Variants in PSME4 observed in about 807,000 individuals in gnomAD.
The protein encoded by PSME4 is proteasome activator complex subunit 4.
Under a neutral mutation model 253.9 loss-of-function variants are expected in PSME4, and 89 were observed. The ratio of observed to expected loss-of-function variants is 0.35; its 90% CI spans 0.30 to 0.42. The LOEUF (loss-of-function observed/expected upper bound fraction) is 0.42, where lower values mean the gene tolerates loss of function less well. Ranked by LOEUF, PSME4 falls within the 10% of genes least tolerant of loss-of-function variation. PSME4 has a pLI of 1.00. For synonymous variants in PSME4, 851 were observed against 759.2 expected, an observed-to-expected ratio of 1.12 and a Z score of -1.99; for missense variants, 2,014 against 2,195.2, an observed-to-expected ratio of 0.92 and a Z score of 1.65.
intron 3 of PSME4, among the ~76,000 whole-genome samples, chr2:53,944,050 CTAAG>C (rs1365521845): frequency 1.3e-5 from 2 of 152,194 alleles, no homozygotes; most frequent in African/African-American, 2.4e-5. Context: ...TCAACTTGAA[CTAAG>C]TATTTTTTAA....
intron 29 of PSME4, 134 bp downstream of exon 29, chr2:53,899,747 G>C: frequency 1.9e-6 from 2 of 1,063,820 alleles, no homozygotes; most frequent in Non-Finnish European, 2.7e-6. Flanking sequence ...AAACCCAGGA[G>C]GTGAAGGTTG....
chr2:53,947,767 G>A (rs1669792462), intron 3 of PSME4, among the ~76,000 whole-genome samples: 1 of 151,606 alleles, frequency 6.6e-6, no homozygotes, highest in Non-Finnish European at 1.5e-5. Context: ...TATAATCCCA[G>A]GACTTTGGGA....
At chr2:53,875,594 A>T in intron 42 of PSME4, 33 bp downstream of exon 42, 1 of 1,577,944 alleles carries the variant, frequency 6.3e-7, no homozygotes, top group Non-Finnish European at 8.6e-7. Flanking sequence ...CAAAATCCTA[A>T]TCAAAAGACA....
chr2:53,879,187 A>G (rs188904122), intron 41 of PSME4, among the ~76,000 whole-genome samples: 65 of 150,892 alleles, frequency 4.3e-4, no homozygotes, highest in Middle Eastern at 3.4e-3. Context: ...CCTACCTCAA[A>G]GATATACTGG....
intron 41 of PSME4, among the ~76,000 whole-genome samples, chr2:53,880,442 C>T (rs1679330530): frequency 6.6e-6 from 1 of 152,050 alleles, no homozygotes; most frequent in Non-Finnish European, 1.5e-5. Context: ...AAAAAAAATG[C>T]AGATACATCT....
intron 37 of PSME4, among the ~76,000 whole-genome samples, 186 bp from the exon 38 acceptor site, chr2:53,888,998 T>C (rs1424638502): frequency 6.6e-6 from 1 of 152,196 alleles, no homozygotes; most frequent in Non-Finnish European, 1.5e-5. Flanking sequence ...CTCAAGTAGC[T>C]GGGACCACAG....
At chr2:53,949,892 G>A (rs1669896425) in intron 1 of PSME4, among the ~76,000 whole-genome samples, 1 of 152,172 alleles carries the variant, frequency 6.6e-6, no homozygotes, top group South Asian at 2.1e-4. Context: ...AAAAATAGGT[G>A]TGGTAACAAT....
chr2:53,962,284 G>A (rs1670527640), intron 1 of PSME4, among the ~76,000 whole-genome samples: 1 of 151,706 alleles, frequency 6.6e-6, no homozygotes, highest in Non-Finnish European at 1.5e-5. Context: ...TTTTACAGGG[G>A]CGAAAGGGAT....
chr2:53,894,138 C>T (rs890074402), intron 34 of PSME4, among the ~76,000 whole-genome samples: 1 of 152,150 alleles, frequency 6.6e-6, no homozygotes, highest in Non-Finnish European at 1.5e-5. Flanking sequence ...ATAAGTCAAG[C>T]CCCAACAAAT....
intron 36 of PSME4, among the ~76,000 whole-genome samples, chr2:53,891,129 GT>G (rs1200477116): frequency 6.6e-6 from 1 of 152,186 alleles, no homozygotes; most frequent in African/African-American, 2.4e-5. Flanking sequence ...AGTTTTCCAT[GT>G]TTATCAAGAT....
At chr2:53,952,347 C>T (rs949397236) in intron 1 of PSME4, among the ~76,000 whole-genome samples, 6 of 152,094 alleles carry the variant, frequency 3.9e-5, no homozygotes, top group Non-Finnish European at 7.4e-5. Context: ...TGGAGACCAT[C>T]CTGGCCAACA....
At chr2:53,936,458 C>G (rs925789524) in intron 6 of PSME4, among the ~76,000 whole-genome samples, 1 of 152,064 alleles carries the variant, frequency 6.6e-6, no homozygotes, top group Non-Finnish European at 1.5e-5. Context: ...CACTATATGT[C>G]CAGCAGCATG....
intron 10 of PSME4, among the ~76,000 whole-genome samples, chr2:53,928,883 G>A (rs145117936): frequency 1.3e-5 from 2 of 152,266 alleles, no homozygotes; most frequent in African/African-American, 4.8e-5. Context: ...AACTGGTAGA[G>A]GCCAGGGTGT....
At chr2:53,888,192 C>A in intron 38 of PSME4, 1 of 420,670 alleles carries the variant, frequency 2.4e-6, no homozygotes, top group Non-Finnish European at 4.0e-6. Context: ...GCATTTCATC[C>A]ACACTACTAG....
chr2:53,899,948 A>G lies in PSME4; in HGVS notation c.3355T>C (p.Leu1119=), dbSNP rs1048829647. 6.2e-7 allele frequency: 1 copy of G among 1,613,452 alleles called. No individual in the cohort carries two copies. ...QSKNPSINQI[L]LSPEKIKEGI... The stretch of plus-strand genomic sequence containing the variant: ...TCCTTAATTTTTTCTGGGCTAAGCA[A>G]TATCTGGTTGATAGAGGGGTTTTTT... The change falls in exon 29 of 47, where the codon TTG becomes CTG. Residue 1119 remains leucine (L), a synonymous_variant. Transcript: ENST00000404125.
intron 20 of PSME4, among the ~76,000 whole-genome samples, chr2:53,911,871 A>G (rs1343123621): frequency 6.6e-6 from 1 of 152,168 alleles, no homozygotes; most frequent in Non-Finnish European, 1.5e-5. Flanking sequence ...GTCATTTGGG[A>G]ATTTAAAGTT....
intron 41 of PSME4, among the ~76,000 whole-genome samples, chr2:53,880,833 T>C (rs1258867631): frequency 1.3e-5 from 2 of 152,182 alleles, no homozygotes; most frequent in Non-Finnish European, 2.9e-5. Flanking sequence ...GTTGTTTTCC[T>C]GGTCATTTTA....
At chr2:53,961,620 G>C (rs1670499208) in intron 1 of PSME4, among the ~76,000 whole-genome samples, 2 of 152,146 alleles carry the variant, frequency 1.3e-5, no homozygotes, top group African/African-American at 4.8e-5. Flanking sequence ...TGAGTTTGCA[G>C]TGAGCTGTGA....
At chr2:53,907,188 CCTA>C (rs570480308) in intron 24 of PSME4, among the ~76,000 whole-genome samples, 95 of 152,204 alleles carry the variant, frequency 6.2e-4, no homozygotes, top group Middle Eastern at 3.4e-3. Context: ...ACAAAAACAG[CCTA>C]CTAAGACAAT....
Sources: gnomAD v4.1 joint callset for allele counts (sites outside exome capture counted in the v4.1 genomes callset) on GRCh38, gnomAD v4.1.1 for gene constraint, MANE v1.5 for transcripts, NCBI Gene and HGNC (gene_info 2026-07-23, HGNC 2026-07-21) for gene names.